The following DNAH3 variants were observed in gnomAD, a reference collection of about 807,000 sequenced individuals.
DNAH3 encodes the protein axonemal beta dynein heavy chain 3.
DNAH3 carries 332 observed loss-of-function variants against 432.5 expected under a neutral mutation model. That is an observed-to-expected ratio of 0.77 (90% CI 0.70 to 0.84). The LOEUF (loss-of-function observed/expected upper bound fraction) is 0.84. DNAH3 is among the 40% of genes least tolerant of loss of function. The pLI is 0.00. For missense variants in DNAH3, 4,861 were observed against 5,114.0 expected, an observed-to-expected ratio of 0.95 and a Z score of 1.51; for synonymous variants, 1,956 against 1,900.2, an observed-to-expected ratio of 1.03 and a Z score of -0.76.
rs1216012267 is a variant in DNAH3, at chr16:20,949,234, T to A, written c.11189-597A>T. Reference sequence around the variant, plus strand: ...CAGAGCTACAAGAGTACTGTAAACCTTCCTCTGGGTGACAGAGGGAGACTG... The same window carrying A: ...CAGAGCTACAAGAGTACTGTAAACCATCCTCTGGGTGACAGAGGGAGACTG... On this transcript the variant is annotated intron_variant, in intron 56 of 61. Transcript: ENST00000261383. Among the ~76,000 whole-genome samples the A allele has an allele frequency of 2.2e-5, 3 of 139,458 alleles. No homozygotes were observed. In the Admixed American group the frequency reaches 2.2e-4, roughly 10 times the overall value. 91.5% of individuals were successfully genotyped at this position (139,458 alleles called of 152,430 possible). A position where few individuals can be genotyped will look rare whatever the true frequency, so the allele number is the denominator to read the frequency against.
intron 7 of DNAH3, among the ~76,000 whole-genome samples, chr16:21,131,497 AT>A (rs58157047): frequency 0.98 from 142,964 of 145,534 alleles, 70,228 homozygotes; most frequent in Non-Finnish European, 1. Context: ...AGAAAGAGAG[AT>A]GAGAGAGAAG....
intron 31 of DNAH3, among the ~76,000 whole-genome samples, chr16:21,044,240 T>C (rs1234348994): frequency 3.0e-5 from 4 of 132,322 alleles, no homozygotes; most frequent in South Asian, 2.7e-4. Context: ...GGGGATGGCA[T>C]TGAATCTGTA....
chr16:21,069,842 G>A (rs1168800288), intron 22 of DNAH3, among the ~76,000 whole-genome samples: 3 of 152,166 alleles, frequency 2.0e-5, no homozygotes, highest in Non-Finnish European at 4.4e-5. Flanking sequence ...AATTACAATA[G>A]TTATACACGT....
intron 54 of DNAH3, among the ~76,000 whole-genome samples, chr16:20,955,483 A>G (rs942398251): frequency 7.3e-5 from 11 of 150,372 alleles, no homozygotes; most frequent in African/African-American, 2.7e-4. Context: ...TTTTTAATGT[A>G]GAGATGGAGT....
intron 1 of DNAH3, chr16:21,159,173 C>A: frequency 1.2e-6 from 1 of 818,974 alleles, no homozygotes; most frequent in Non-Finnish European, 2.1e-6. Context: ...CCCCTCTTCT[C>A]CACCGAGGTC....
At chr16:21,063,377 C>T (rs183337525) in intron 24 of DNAH3, among the ~76,000 whole-genome samples, 23 of 151,992 alleles carry the variant, frequency 1.5e-4, no homozygotes, top group East Asian at 1.2e-3. Flanking sequence ...TCTCTCCATC[C>T]GTGCAAGAAC....
At chr16:21,156,692 C>G (rs955954511) in intron 1 of DNAH3, among the ~76,000 whole-genome samples, 2 of 152,052 alleles carry the variant, frequency 1.3e-5, no homozygotes, top group African/African-American at 4.8e-5. Context: ...GGAGAGGCTG[C>G]GCGTGGATTT....
At chr16:21,120,921 T>C in intron 10 of DNAH3, 1 of 1,201,220 alleles carries the variant, frequency 8.3e-7, no homozygotes. Flanking sequence ...GGGATACTGG[T>C]TGTAGGAGAG....
chr16:20,957,211 A>G (rs2084602546), intron 54 of DNAH3, among the ~76,000 whole-genome samples: 1 of 152,206 alleles, frequency 6.6e-6, no homozygotes, highest in Admixed American at 6.6e-5. Flanking sequence ...AGGGGTTGAC[A>G]AATTTTTTTC....
At chr16:20,991,025 C>A (rs1044320242) in intron 44 of DNAH3, among the ~76,000 whole-genome samples, 7 of 151,762 alleles carry the variant, frequency 4.6e-5, no homozygotes, top group Non-Finnish European at 1.0e-4. Flanking sequence ...TGTCTCAAAA[C>A]AAACAAACAA....
chr16:20,968,519 C>A (rs1258923494), intron 52 of DNAH3, among the ~76,000 whole-genome samples: 1 of 152,118 alleles, frequency 6.6e-6, no homozygotes, highest in East Asian at 1.9e-4. Context: ...AATGCAAAGT[C>A]CTACACCTAA....
rs143938419 is a variant in DNAH3 at position 20,936,836 on chromosome 16, C to T, written c.11672G>A (p.Arg3891Gln). ...TCGGCCAAGATTGATGAGGCTCCTC[C>T]GAACCACTTTGGTCAGCCTGCAAGA... The change falls in exon 60 of 62, where the codon CGG becomes CAG. Residue 3891 changes from arginine to glutamine, a missense_variant. Transcript: ENST00000261383. 431 of 1,612,112 alleles carry T rather than the reference C, an allele frequency of 2.7e-4. No homozygotes were observed. The highest frequency in any genetic ancestry group is 3.4e-4 in the Non-Finnish European group (405 of 1,179,412).
chr16:21,055,780 C>G (rs2152747109), intron 27 of DNAH3, among the ~76,000 whole-genome samples: 1 of 142,592 alleles, frequency 7.0e-6, no homozygotes, highest in Admixed American at 7.3e-5. Context: ...GGGTCTTGCT[C>G]TGTCACCTAG....
chr16:20,963,248 G>T (rs2084903235), intron 53 of DNAH3, 36 bp downstream of exon 53: 1 of 1,588,050 alleles, frequency 6.3e-7, no homozygotes, highest in African/African-American at 1.3e-5. Flanking sequence ...CACATACTGG[G>T]CTTTCCACGT....
chr16:21,157,364 G>C (rs1315865214), intron 1 of DNAH3, among the ~76,000 whole-genome samples: 4 of 142,098 alleles, frequency 2.8e-5, no homozygotes, highest in Non-Finnish European at 6.1e-5. Context: ...TTTTGAGACA[G>C]GGTCTCACTC....
At chr16:21,050,149 G>A (rs997272439) in intron 29 of DNAH3, 131 bp from the exon 30 acceptor site, 1 of 678,774 alleles carries the variant, frequency 1.5e-6, no homozygotes, top group African/African-American at 1.8e-5. Context: ...GCCATTGAAA[G>A]TAATGCTAAA....
exon 3 of DNAH3, chr16:21,145,258 T>G: frequency 6.2e-7 from 1 of 1,613,972 alleles, no homozygotes; most frequent in Non-Finnish European, 8.5e-7. Flanking sequence ...CAGCAGATCT[T>G]TCAGCTTCAG....
exon 53 of DNAH3, chr16:20,964,865 C>A (rs1303962978): frequency 6.2e-7 from 1 of 1,614,038 alleles, no homozygotes; most frequent in African/African-American, 1.3e-5. Flanking sequence ...CCCAGGTAAG[C>A]CACAGTTCCT....
In DNAH3 at chr16:21,062,900, C is replaced by T; in HGVS notation, c.3519-217G>A. The stretch of plus-strand genomic sequence containing the variant: ...ATGAGGTCTTGCCATATTGCCCAGG[C>T]TAGACTTGAACTCCTGGGCTCAAGC... On this transcript the variant is annotated intron_variant, in intron 24 of 61. Transcript: ENST00000261383. 4 of 535,118 alleles carry T rather than the reference C, an allele frequency of 7.5e-6. No homozygotes were observed. In the South Asian group the frequency reaches 9.3e-5, roughly 12 times the overall value. 33.1% of individuals were successfully genotyped at this position (535,118 alleles called of 1,614,324 possible).
Sources: gnomAD v4.1 joint callset for allele counts (sites outside exome capture counted in the v4.1 genomes callset) on GRCh38, gnomAD v4.1.1 for gene constraint, MANE v1.5 for transcripts, NCBI Gene and HGNC (gene_info 2026-07-23, HGNC 2026-07-21) for gene names.